The following NRG1 variants were observed in gnomAD, a reference collection of about 807,000 sequenced individuals.
NRG1 encodes neuregulin 1, also known as pro-neuregulin-1, membrane-bound isoform.
A neutral mutation model predicts 63.8 loss-of-function variants in NRG1; 18 were observed. The observed-to-expected ratio is 0.28, with a 90% CI of 0.19 to 0.42. The LOEUF (loss-of-function observed/expected upper bound fraction) is 0.42. NRG1 is among the 10% of genes least tolerant of loss of function. The pLI is 1.00. For synonymous variants in NRG1, 302 were observed against 301.3 expected (o/e 1.00, Z -0.02); for missense variants, 762 against 814.7 (o/e 0.94, Z 0.79).
intron 1 of NRG1, among the ~76,000 whole-genome samples, chr8:32,219,278 C>T (rs1486561105): frequency 6.6e-6 from 1 of 152,150 alleles, no homozygotes. Flanking sequence ...ATTTCTGGCA[C>T]CTAAAACAGC....
intron 1 of NRG1, among the ~76,000 whole-genome samples, chr8:32,387,732 A>T (rs1267727853): frequency 6.6e-6 from 1 of 152,174 alleles, no homozygotes; most frequent in Non-Finnish European, 1.5e-5. Context: ...AAGAAAAAAA[A>T]AAAATAGATG....
At chr8:31,648,407 C>G (rs1410706117) in intron 1 of NRG1, among the ~76,000 whole-genome samples, 1 of 152,106 alleles carries the variant, frequency 6.6e-6, no homozygotes, top group Non-Finnish European at 1.5e-5. Flanking sequence ...GCTGGGATTA[C>G]AGGCGTGAGC....
chr8:32,152,383 G>A (rs571085719), intron 1 of NRG1, among the ~76,000 whole-genome samples: 1 of 152,240 alleles, frequency 6.6e-6, no homozygotes, highest in East Asian at 1.9e-4. Flanking sequence ...AACATGTCTA[G>A]AGTTATATGT....
chr8:32,321,481 TAA>T (rs74795735), intron 1 of NRG1, among the ~76,000 whole-genome samples: 6 of 141,044 alleles, frequency 4.3e-5, no homozygotes, highest in African/African-American at 1.3e-4. Context: ...TTACCACCTG[TAA>T]AAAAAAAAAA....
At chr8:31,717,028 C>G (rs4506164) in intron 1 of NRG1, among the ~76,000 whole-genome samples, 31,054 of 152,176 alleles carry the variant, frequency 0.2, 4,234 homozygotes, top group East Asian at 0.65. Flanking sequence ...ACTTTTTCCT[C>G]TCTGCTTTCT....
chr8:32,292,053 C>T (rs181743127), intron 1 of NRG1, among the ~76,000 whole-genome samples: 70 of 152,256 alleles, frequency 4.6e-4, no homozygotes, highest in African/African-American at 1.6e-3. Flanking sequence ...GAGTTTTCAA[C>T]ATCAGCAACA....
At chr8:32,158,076 T>C (rs1261003238) in intron 1 of NRG1, among the ~76,000 whole-genome samples, 1 of 151,854 alleles carries the variant, frequency 6.6e-6, no homozygotes, top group African/African-American at 2.4e-5. Context: ...AGGCAGGAGG[T>C]TGTAGGATGG....
chr8:32,337,199 T>C (rs1199437402), intron 1 of NRG1, among the ~76,000 whole-genome samples: 2 of 151,978 alleles, frequency 1.3e-5, no homozygotes. Context: ...TTTGTAGAGA[T>C]GGGGTCTTGC....
intron 1 of NRG1, among the ~76,000 whole-genome samples, chr8:31,960,119 G>A (rs1330280871): frequency 1.3e-5 from 2 of 152,182 alleles, no homozygotes; most frequent in Non-Finnish European, 2.9e-5. Flanking sequence ...TTAAATGAAA[G>A]CATTCCTGGG....
At chr8:32,700,068 A>G (rs1327525511) in intron 5 of NRG1, among the ~76,000 whole-genome samples, 2 of 152,046 alleles carry the variant, frequency 1.3e-5, no homozygotes, top group African/African-American at 4.8e-5. Context: ...CCTCATACCC[A>G]TTAGCAGACC....
intron 5 of NRG1, among the ~76,000 whole-genome samples, chr8:32,625,774 CTTT>C (rs67043970): frequency 7.8e-6 from 1 of 128,660 alleles, no homozygotes; most frequent in African/African-American, 2.9e-5. Context: ...CTTTCCCTCT[CTTT>C]TTTTTTTTTT....
At chr8:32,133,467 TACTC>T (rs888599033) in intron 1 of NRG1, among the ~76,000 whole-genome samples, 10 of 152,124 alleles carry the variant, frequency 6.6e-5, no homozygotes, top group Non-Finnish European at 1.0e-4. Context: ...GTTCAACTGA[TACTC>T]ACTCAGGAGC....
rs560395274 is a variant in NRG1 at position 32,627,496 on chromosome 8, G to T, written c.502+10611G>T. On this transcript the variant is annotated intron_variant, in intron 5 of 11. Coordinates refer to ENST00000356819, the Ensembl canonical transcript of NRG1. ...GTTGCAATTTTATTTTTTTAATAGA[G>T]ACCAGGTCTTACTATGTTGCCCAGA... Among the ~76,000 whole-genome samples the T allele has an allele frequency of 7.2e-5, 11 of 152,194 alleles. No individual in the cohort carries two copies. In the South Asian group the frequency reaches 2.3e-3, roughly 32 times the overall value.
At chr8:31,734,992 C>T (rs1216440186) in intron 1 of NRG1, among the ~76,000 whole-genome samples, 1 of 152,086 alleles carries the variant, frequency 6.6e-6, no homozygotes, top group Non-Finnish European at 1.5e-5. Flanking sequence ...CCTATGTGTG[C>T]GTCATGGACA....
At chr8:32,041,432 A>G (rs1820018597) in intron 1 of NRG1, among the ~76,000 whole-genome samples, 1 of 152,214 alleles carries the variant, frequency 6.6e-6, no homozygotes, top group Admixed American at 6.5e-5. Flanking sequence ...GACTCTGAAA[A>G]GTGAATTGTA....
At chr8:32,127,061 T>C (rs1211819839) in intron 1 of NRG1, among the ~76,000 whole-genome samples, 1 of 151,924 alleles carries the variant, frequency 6.6e-6, no homozygotes, top group Non-Finnish European at 1.5e-5. Flanking sequence ...ATTAATGTAG[T>C]TGGGTTCAGT....
At chr8:32,468,246 T>C (rs1823321885) in intron 1 of NRG1, among the ~76,000 whole-genome samples, 1 of 152,194 alleles carries the variant, frequency 6.6e-6, no homozygotes, top group South Asian at 2.1e-4. Context: ...ACAGTCCAGC[T>C]TAGCCTCCTT....
At chr8:32,085,230 G>A (rs1586990668) in intron 1 of NRG1, among the ~76,000 whole-genome samples, 1 of 152,116 alleles carries the variant, frequency 6.6e-6, no homozygotes, top group African/African-American at 2.4e-5. Context: ...CCTTGTATAA[G>A]AACAGGTCTG....
chr8:32,726,642 A>G (rs1822267182), intron 5 of NRG1, among the ~76,000 whole-genome samples: 1 of 152,158 alleles, frequency 6.6e-6, no homozygotes, highest in Non-Finnish European at 1.5e-5. Context: ...TGAGTATTCC[A>G]GTCAGATAGA....
Sources: allele counts gnomAD v4.1 joint callset (sites outside exome capture counted in the v4.1 genomes callset), GRCh38; gene constraint gnomAD v4.1.1; transcripts MANE v1.5; gene names NCBI Gene and HGNC (gene_info 2026-07-23, HGNC 2026-07-21).